Variants in CHN1 observed in about 807,000 individuals in gnomAD.
CHN1 encodes the protein chimerin 1.
In CHN1, 37 loss-of-function variants were observed where a neutral mutation model predicts 59.5. The observed-to-expected ratio is 0.62, with a 90% CI of 0.48 to 0.82. The LOEUF is 0.82. Ranked by LOEUF, CHN1 falls within the 40% of genes least tolerant of loss-of-function variation. CHN1 has a pLI of 0.00. For missense variants in CHN1, 469 were observed against 571.0 expected (o/e 0.82, Z 1.82); for synonymous variants, 206 against 200.4 (o/e 1.03, Z -0.24).
chr2:174,940,361 G>A (rs1315239975), intron 3 of CHN1, among the ~76,000 whole-genome samples: 1 of 152,028 alleles, frequency 6.6e-6, no homozygotes, highest in East Asian at 1.9e-4. Flanking sequence ...TATCATCTAG[G>A]AAAGTTATTA....
intron 11 of CHN1, among the ~76,000 whole-genome samples, chr2:174,807,128 T>A (rs1429516260): frequency 6.6e-6 from 1 of 152,166 alleles, no homozygotes. Context: ...TTTGGAAGGA[T>A]AATAAAAAGG....
chr2:174,931,004 G>A (rs768879649), intron 3 of CHN1, among the ~76,000 whole-genome samples: 6 of 151,928 alleles, frequency 3.9e-5, no homozygotes, highest in Admixed American at 6.6e-5. Context: ...TCCTGACCTC[G>A]TGATCTGCCC....
chr2:174,906,607 AG>A (rs879549072), intron 5 of CHN1, among the ~76,000 whole-genome samples: 2 of 152,208 alleles, frequency 1.3e-5, no homozygotes, highest in Admixed American at 6.5e-5. Context: ...CTGAAGAAAC[AG>A]TTTTAAAAAA....
intron 7 of CHN1, among the ~76,000 whole-genome samples, chr2:174,828,186 T>C (rs1030154826): frequency 1.3e-5 from 2 of 152,112 alleles, no homozygotes; most frequent in African/African-American, 2.4e-5. Context: ...AGTTCAGTTA[T>C]GGAGCAAATG....
At chr2:174,963,415 C>A (rs576415603) in intron 1 of CHN1, among the ~76,000 whole-genome samples, 1 of 152,062 alleles carries the variant, frequency 6.6e-6, no homozygotes, top group Non-Finnish European at 1.5e-5. Context: ...TATTATCCGA[C>A]AAGACTCTTA....
At chr2:174,962,789 A>G (rs987738848) in intron 1 of CHN1, among the ~76,000 whole-genome samples, 2 of 151,428 alleles carry the variant, frequency 1.3e-5, no homozygotes, top group African/African-American at 4.9e-5. Context: ...ATGCATCTGT[A>G]ATCCCTGCTA....
intron 1 of CHN1, among the ~76,000 whole-genome samples, chr2:174,957,650 T>C (rs1478861317): frequency 6.6e-6 from 1 of 152,164 alleles, no homozygotes; most frequent in Non-Finnish European, 1.5e-5. Context: ...GACACCCATA[T>C]TCTATGTGTG....
intron 5 of CHN1, among the ~76,000 whole-genome samples, chr2:174,895,671 G>A (rs1313796567): frequency 2.6e-5 from 4 of 152,226 alleles, no homozygotes; most frequent in South Asian, 2.1e-4. Context: ...ATCTCTTCAT[G>A]CAAGACAACA....
chr2:174,955,104 T>C (rs903644165), intron 1 of CHN1, among the ~76,000 whole-genome samples: 22 of 148,532 alleles, frequency 1.5e-4, no homozygotes, highest in African/African-American at 4.2e-4. Flanking sequence ...TCTATATATA[T>C]AGATCTATAG....
intron 5 of CHN1, among the ~76,000 whole-genome samples, chr2:174,912,975 T>C (rs1489050727): frequency 1.3e-5 from 2 of 152,102 alleles, no homozygotes; most frequent in South Asian, 2.1e-4. Context: ...CCAAAGTGGA[T>C]GGGAAGTGAT....
chr2:174,846,994 T>C (rs1574083870), intron 6 of CHN1, 37 bp from the exon 7 acceptor site: 2 of 1,551,864 alleles, frequency 1.3e-6, no homozygotes, highest in Admixed American at 2.0e-5. Context: ...GTTGCCAGAT[T>C]GTCACAGACG....
chr2:174,920,897 G>A (rs1688997221), intron 3 of CHN1: 2 of 416,364 alleles, frequency 4.8e-6, no homozygotes, highest in Non-Finnish European at 9.8e-6. Flanking sequence ...TTGTTTTCCT[G>A]CAACTAGACG....
intron 3 of CHN1, among the ~76,000 whole-genome samples, chr2:174,938,847 A>G (rs1689577018): frequency 6.6e-6 from 1 of 152,100 alleles, no homozygotes; most frequent in South Asian, 2.1e-4. Flanking sequence ...ATTTTTTTGG[A>G]GAAAAAAATA....
chr2:174,917,374 T>C (rs1283993058), intron 4 of CHN1, among the ~76,000 whole-genome samples: 2 of 151,372 alleles, frequency 1.3e-5, no homozygotes, highest in African/African-American at 2.4e-5. Flanking sequence ...GTGGAGGTTA[T>C]AGTGAACCGA....
intron 7 of CHN1, among the ~76,000 whole-genome samples, chr2:174,843,228 A>ATTATTTATTTAT (rs78226248): frequency 6.6e-6 from 1 of 151,390 alleles, no homozygotes; most frequent in African/African-American, 2.4e-5. Context: ...TGTAGCTTTT[A>ATTATTTATTTAT]TTATTTATTT....
At chr2:174,923,419 C>T (rs539335318) in intron 3 of CHN1, among the ~76,000 whole-genome samples, 7 of 152,134 alleles carry the variant, frequency 4.6e-5, no homozygotes, top group East Asian at 1.9e-4. Flanking sequence ...GGATTACAGG[C>T]GTGAGCCACT....
At chr2:174,955,204 GAT>G (rs1299386319) in intron 1 of CHN1, among the ~76,000 whole-genome samples, 224 of 33,584 alleles carry the variant, frequency 6.7e-3, no homozygotes, top group South Asian at 0.016. Flanking sequence ...ATATATAATT[GAT>G]ATATATATAT....
At chr2:174,868,725 C>T (rs1324386877) in intron 6 of CHN1, among the ~76,000 whole-genome samples, 1 of 152,144 alleles carries the variant, frequency 6.6e-6, no homozygotes, top group Non-Finnish European at 1.5e-5. Flanking sequence ...GAATGTCATT[C>T]TTCACCTGGG....
chr2:174,913,218 A>G lies in CHN1; in HGVS notation c.260+1840T>C, dbSNP rs13416338. Reference sequence around the variant, plus strand: ...AAAACTGAGTTCAAATTAAAGTTTTATAACTTCCAAGTGATCCTGGAGAAA... The same window carrying G: ...AAAACTGAGTTCAAATTAAAGTTTTGTAACTTCCAAGTGATCCTGGAGAAA... On this transcript the variant is annotated intron_variant, in intron 5 of 12. Transcript: ENST00000409900. 2.1e-3 allele frequency among the ~76,000 whole-genome samples: 322 copies of G among 152,324 alleles called. 4 individuals carry two copies. Among genetic ancestry groups the G allele is most frequent in the African/African-American group, 6.8e-3 (284 of 41,576 alleles).
Sources: gnomAD v4.1 joint callset for allele counts (sites outside exome capture counted in the v4.1 genomes callset) on GRCh38, gnomAD v4.1.1 for gene constraint, MANE v1.5 for transcripts, NCBI Gene and HGNC (gene_info 2026-07-23, HGNC 2026-07-21) for gene names.